Variants in GALNT17 observed in about 807,000 individuals in gnomAD.
GALNT17 encodes the protein UDP-GalNAc:polypeptide N-acetylgalactosaminyltransferase-like 3.
In GALNT17, 29 loss-of-function variants were observed where a neutral mutation model predicts 63.7. That is an observed-to-expected ratio of 0.46 (90% CI 0.34 to 0.62). The LOEUF (loss-of-function observed/expected upper bound fraction) is 0.62, where lower values mean the gene tolerates loss of function less well. Among genes scored for constraint, GALNT17 ranks in the 20% least tolerant of loss-of-function variants. GALNT17 has a pLI of 0.01. For missense variants in GALNT17, 603 were observed against 799.6 expected (o/e 0.75, Z 2.97); for synonymous variants, 305 against 318.3 (o/e 0.96, Z 0.45).
At chr7:71,251,938 G>A (rs993539991) in intron 1 of GALNT17, among the ~76,000 whole-genome samples, 1 of 152,102 alleles carries the variant, frequency 6.6e-6, no homozygotes, top group African/African-American at 2.4e-5. Context: ...TGAACCATAA[G>A]ATCTGTACAG....
intron 1 of GALNT17, among the ~76,000 whole-genome samples, chr7:71,202,726 A>G (rs1357759163): frequency 6.6e-6 from 1 of 152,206 alleles, no homozygotes; most frequent in Non-Finnish European, 1.5e-5. Flanking sequence ...TGATATTTCC[A>G]AAACTTATCC....
At chr7:71,145,512 A>G (rs557318266) in intron 1 of GALNT17, among the ~76,000 whole-genome samples, 1 of 152,244 alleles carries the variant, frequency 6.6e-6, no homozygotes, top group South Asian at 2.1e-4. Context: ...ATTTATAATC[A>G]TCACAATAAA....
intron 5 of GALNT17, among the ~76,000 whole-genome samples, chr7:71,534,497 G>T (rs1174995572): frequency 6.6e-6 from 1 of 151,622 alleles, no homozygotes; most frequent in African/African-American, 2.4e-5. Flanking sequence ...TACTCGGGAG[G>T]CTGAGGCAGG....
At chr7:71,554,410 A>T (rs529640786) in intron 5 of GALNT17, among the ~76,000 whole-genome samples, 159 of 152,284 alleles carry the variant, frequency 1.0e-3, no homozygotes, top group Middle Eastern at 3.4e-3. Flanking sequence ...CTCCCAAGCC[A>T]TGTGGACTGT....
intron 1 of GALNT17, among the ~76,000 whole-genome samples, chr7:71,287,913 G>A (rs543465243): frequency 1.3e-5 from 2 of 151,632 alleles, no homozygotes; most frequent in South Asian, 2.1e-4. Flanking sequence ...TTAGCTGGGC[G>A]TGGTGGTGCG....
intron 6 of GALNT17, among the ~76,000 whole-genome samples, chr7:71,600,188 G>A (rs948077710): frequency 6.7e-6 from 1 of 150,278 alleles, no homozygotes; most frequent in Non-Finnish European, 1.5e-5. Flanking sequence ...CAGTGTATAA[G>A]CAGATGTACA....
chr7:71,394,879 A>G (rs968694663), intron 3 of GALNT17, among the ~76,000 whole-genome samples: 1 of 152,174 alleles, frequency 6.6e-6, no homozygotes, highest in African/African-American at 2.4e-5. Context: ...AGGCGAGCAG[A>G]TCACTTGAGG....
At chr7:71,526,811 G>A (rs940807682) in intron 5 of GALNT17, among the ~76,000 whole-genome samples, 3 of 152,106 alleles carry the variant, frequency 2.0e-5, no homozygotes, top group African/African-American at 7.2e-5. Context: ...ACTGCACCTG[G>A]CCAATTACGT....
intron 2 of GALNT17, among the ~76,000 whole-genome samples, chr7:71,382,079 T>TA (rs1045156069): frequency 1.3e-5 from 2 of 151,514 alleles, no homozygotes; most frequent in Admixed American, 6.6e-5. Context: ...GCTAATAGAT[T>TA]AAAAAAACAA....
At chr7:71,521,050 A>G (rs1788522069) in intron 5 of GALNT17, among the ~76,000 whole-genome samples, 2 of 152,200 alleles carry the variant, frequency 1.3e-5, no homozygotes, top group Non-Finnish European at 1.5e-5. Flanking sequence ...CCCATGGAAG[A>G]TGCCATGTGG....
chr7:71,446,088 G>GA (rs1452049026), intron 5 of GALNT17, among the ~76,000 whole-genome samples: 1 of 152,182 alleles, frequency 6.6e-6, no homozygotes, highest in Non-Finnish European at 1.5e-5. Context: ...TGGCAGCCAT[G>GA]AAATTAGAGC....
chr7:71,537,005 C>T (rs1788812959), intron 5 of GALNT17, among the ~76,000 whole-genome samples: 1 of 152,144 alleles, frequency 6.6e-6, no homozygotes, highest in Non-Finnish European at 1.5e-5. Flanking sequence ...CCGTTCCTGC[C>T]TCTGTGAACC....
intron 5 of GALNT17, among the ~76,000 whole-genome samples, chr7:71,533,779 A>G (rs1788757437): frequency 6.6e-6 from 1 of 152,188 alleles, no homozygotes; most frequent in Non-Finnish European, 1.5e-5. Context: ...GACAGCTGTA[A>G]CACAGGTGAT....
intron 5 of GALNT17, among the ~76,000 whole-genome samples, chr7:71,456,280 G>T (rs1787354798): frequency 6.6e-6 from 1 of 152,146 alleles, no homozygotes; most frequent in South Asian, 2.1e-4. Context: ...TAGTATGTGA[G>T]ATGCCAGTGA....
intron 5 of GALNT17, among the ~76,000 whole-genome samples, chr7:71,499,936 A>T (rs1458024654): frequency 6.6e-6 from 1 of 152,170 alleles, no homozygotes; most frequent in Non-Finnish European, 1.5e-5. Flanking sequence ...ATGGTTTTAT[A>T]AGGAGCTTTT....
chr7:71,613,246 T>A (rs560391450), intron 6 of GALNT17, among the ~76,000 whole-genome samples: 1 of 152,316 alleles, frequency 6.6e-6, no homozygotes, highest in South Asian at 2.1e-4. Context: ...TGATAAAAAT[T>A]TAAAAGTTCA....
intron 5 of GALNT17, among the ~76,000 whole-genome samples, chr7:71,449,108 C>CTTTTTTTGTTTTTTTTTTTTT (rs1787211480): frequency 1.4e-5 from 1 of 72,754 alleles, no homozygotes; most frequent in Non-Finnish European, 2.3e-5. Flanking sequence ...TGCCTATTTT[C>CTTTTTTTGTTTTTTTTTTTTT]TTTTTTTTTT....
intron 1 of GALNT17, among the ~76,000 whole-genome samples, chr7:71,216,376 T>C (rs1762512897): frequency 6.6e-6 from 1 of 152,192 alleles, no homozygotes; most frequent in Non-Finnish European, 1.5e-5. Context: ...TTGTGGACTT[T>C]GTGAAGTAGC....
chr7:71,479,331 A>G (rs1267397767), intron 5 of GALNT17, among the ~76,000 whole-genome samples: 5 of 151,948 alleles, frequency 3.3e-5, no homozygotes, highest in African/African-American at 7.3e-5. Context: ...TTCCCCACTC[A>G]GTTTTGCACT....
Sources: allele counts gnomAD v4.1 joint callset (sites outside exome capture counted in the v4.1 genomes callset), GRCh38; gene constraint gnomAD v4.1.1; transcripts MANE v1.5; gene names NCBI Gene and HGNC (gene_info 2026-07-23, HGNC 2026-07-21).